PTBP2: variants seen among roughly 807,000 people sequenced by gnomAD.
PTBP2 encodes polypyrimidine tract binding protein 2.
A neutral mutation model predicts 61.4 loss-of-function variants in PTBP2; 13 were observed. The ratio of observed to expected loss-of-function variants is 0.21; its 90% confidence interval spans 0.14 to 0.34. The LOEUF (loss-of-function observed/expected upper bound fraction) is 0.34, where lower values mean the gene tolerates loss of function less well. Among genes scored for constraint, PTBP2 ranks in the 10% least tolerant of loss-of-function variants. The pLI is 1.00. For synonymous variants in PTBP2, 215 were observed against 218.5 expected, an observed-to-expected ratio of 0.98 and a Z score of 0.14; for missense variants, 405 against 642.6, an observed-to-expected ratio of 0.63 and a Z score of 4.00.
chr1:96,806,369 A>T, intron 9 of PTBP2, 50 bp from the exon 10 acceptor site: 2 of 1,387,278 alleles, frequency 1.4e-6, no homozygotes, highest in Non-Finnish European at 2.1e-6. Flanking sequence ...CTCTTCCTCG[A>T]CTCTTCTCTC....
intron 2 of PTBP2, 84 bp downstream of exon 2, chr1:96,723,678 C>A: frequency 7.9e-7 from 1 of 1,259,958 alleles, no homozygotes; most frequent in South Asian, 1.5e-5. Context: ...CTTTTGAAAA[C>A]TATAACGTAG....
intron 2 of PTBP2, among the ~76,000 whole-genome samples, chr1:96,725,656 A>C (rs1364403041): frequency 8.5e-5 from 13 of 152,180 alleles, no homozygotes; most frequent in Admixed American, 6.5e-4. Context: ...ATTAAAGTTA[A>C]TTTAATTTTC....
intron 3 of PTBP2, among the ~76,000 whole-genome samples, chr1:96,768,722 TA>T (rs1430238747): frequency 6.6e-6 from 1 of 152,070 alleles, no homozygotes; most frequent in African/African-American, 2.4e-5. Context: ...TACTTTACTT[TA>T]AATCTCACGG....
At chr1:96,746,167 C>T (rs1485793493) in intron 2 of PTBP2, among the ~76,000 whole-genome samples, 3 of 151,794 alleles carry the variant, frequency 2.0e-5, no homozygotes, top group African/African-American at 7.3e-5. Flanking sequence ...TTTATGCAAG[C>T]GTTTTTGAGA....
rs759270696 is a variant in PTBP2, at chr1:96,751,542, G to A, written c.115+42G>A. On this transcript the variant is annotated intron_variant, in intron 3 of 13. Transcript: ENST00000674951. ...TAGCAGTCTGTCATTTGCCATTTTA[G>A]GGGGCAGAATGTTAAAACTCAAATT... is the stretch of plus-strand genomic sequence containing the variant. 52 of 1,467,032 alleles carry A rather than the reference G, an allele frequency of 3.5e-5. 1 individual carries two copies. In the Middle Eastern group the frequency reaches 1.1e-3, roughly 30 times the overall value. The allele number at this position is 1,467,032 out of a possible 1,614,324, so 90.9% of individuals were successfully genotyped here.
At position 96,723,581 on chromosome 1, in the gene PTBP2, C is replaced by A; in HGVS notation, c.26C>A (p.Ala9Glu). The A allele has an allele frequency of 1.3e-6, 2 of 1,564,680 alleles. No individual in the cohort carries two copies. Among genetic ancestry groups the A allele is most frequent in the Non-Finnish European group, 8.7e-7 (1 of 1,145,838 alleles). The change falls in exon 2 of 14, where the codon GCA becomes GAA. Residue 9 changes from alanine (A) to glutamate (E), a missense_variant. By Grantham distance (107) the Ala-to-Glu change is moderately radical (BLOSUM62 -1). Around this residue, in one of 4 missense-constraint regions of PTBP2, gnomAD observed 342 missense variants for 491.2 expected, o/e 0.70. Transcript: ENST00000674951. The stretch of plus-strand genomic sequence containing the variant: ...CTTTGCAGAATCGTCACTGAGGTTG[C>A]AGTTGGCGTGAAGGTAGGAAAATAC... MDGIVTEV[A>E]VGVKRGSDEL...
intron 4 of PTBP2, among the ~76,000 whole-genome samples, 184 bp downstream of exon 4, chr1:96,770,059 GT>G (rs1310549267): frequency 6.6e-6 from 1 of 151,988 alleles, no homozygotes; most frequent in Non-Finnish European, 1.5e-5. Context: ...AATCACTATA[GT>G]TTTTAAACTT....
intron 2 of PTBP2, among the ~76,000 whole-genome samples, chr1:96,726,660 A>C (rs1481227667): frequency 1.3e-5 from 2 of 152,036 alleles, no homozygotes; most frequent in African/African-American, 2.4e-5. Context: ...GATAGTCTCT[A>C]TCTCCTGACC....
At chr1:96,751,577 T>C in intron 3 of PTBP2, 77 bp downstream of exon 3, 1 of 1,089,690 alleles carries the variant, frequency 9.2e-7, no homozygotes, top group Non-Finnish European at 1.4e-6. Context: ...TTAACCCTGT[T>C]ATACCAGGAA....
chr1:96,770,173 C>T (rs1657222234), intron 4 of PTBP2, among the ~76,000 whole-genome samples: 1 of 151,854 alleles, frequency 6.6e-6, no homozygotes, highest in South Asian at 2.1e-4. Context: ...TCTTTGGTAT[C>T]AGAAATCAGC....
At chr1:96,781,616 CTGAGA>C (rs1024578738) in intron 7 of PTBP2, among the ~76,000 whole-genome samples, 1 of 152,028 alleles carries the variant, frequency 6.6e-6, no homozygotes, top group African/African-American at 2.4e-5. Context: ...AAGCCTCTTC[CTGAGA>C]TAAGTCTTCT....
In PTBP2 at chr1:96,746,894, C is replaced by T. The variant is rs1274039909; in HGVS notation, c.40-4531C>T. On this transcript the variant is annotated intron_variant, in intron 2 of 13. Transcript: ENST00000674951. The stretch of plus-strand genomic sequence containing the variant: ...CTGTCCCTCCCTCCCTCCCTCCCTC[C>T]CTCCCTCCCTCCCTCCCTCCCTTCC... Among the ~76,000 whole-genome samples the T allele has an allele frequency of 1.2e-3, 63 of 53,514 alleles. 3 individuals are homozygous for T. The East Asian group carries it at 0.027, about 23-fold the overall frequency. The allele number at this position is 53,514 out of a possible 152,430, so 35.1% of individuals were successfully genotyped here.
intron 8 of PTBP2, among the ~76,000 whole-genome samples, chr1:96,791,827 T>TTTTTTTTTTTTTTTTTTTG (rs1659846390): frequency 2.9e-4 from 24 of 81,936 alleles, no homozygotes; most frequent in African/African-American, 8.9e-4. Flanking sequence ...GGAGTTGTGC[T>TTTTTTTTTTTTTTTTTTTG]TTTTTTTTTT....
Position 96,741,435 on chromosome 1 carries a change from A to G in PTBP2, c.40-9990A>G, listed in dbSNP as rs182962250. 1.3e-4 allele frequency among the ~76,000 whole-genome samples: 19 copies of G among 151,832 alleles called. 1 individual carries two copies. Among genetic ancestry groups the G allele is most frequent in the African/African-American group, 2.9e-4 (12 of 41,402 alleles). The stretch of plus-strand genomic sequence containing the variant: ...ACCACTATGCCCAGCTAATTTTTCA[A>G]TTTTTTTGTAGAGATGGAGTCTCAC... On this transcript the variant is annotated intron_variant, in intron 2 of 13. Transcript: ENST00000674951.
chr1:96,786,193 A>C (rs273874), intron 8 of PTBP2, among the ~76,000 whole-genome samples: 44,370 of 152,052 alleles, frequency 0.29, 7,194 homozygotes, highest in South Asian at 0.44. Flanking sequence ...AATATATAAC[A>C]GTCATGCCAT....
chr1:96,807,759 T>C (rs1661641513), intron 11 of PTBP2, among the ~76,000 whole-genome samples: 1 of 152,238 alleles, frequency 6.6e-6, no homozygotes, highest in South Asian at 2.1e-4. Flanking sequence ...AAATTTTGAA[T>C]TTCAAACACA....
At chr1:96,809,298 T>C (rs1661807195) in intron 11 of PTBP2, among the ~76,000 whole-genome samples, 1 of 152,216 alleles carries the variant, frequency 6.6e-6, no homozygotes, top group South Asian at 2.1e-4. Context: ...GTCTAAGTTA[T>C]GCATCCAACA....
chr1:96,774,598 A>T (rs897395137), intron 5 of PTBP2, among the ~76,000 whole-genome samples: 5 of 152,176 alleles, frequency 3.3e-5, no homozygotes, highest in African/African-American at 9.7e-5. Context: ...ACACTTTTTA[A>T]TTATCTGCCT....
intron 5 of PTBP2, among the ~76,000 whole-genome samples, chr1:96,776,276 C>T (rs1658030842): frequency 6.6e-6 from 1 of 151,894 alleles, no homozygotes; most frequent in Non-Finnish European, 1.5e-5. Flanking sequence ...TACATTTAAA[C>T]ATTTGAATAG....
Sources: gnomAD v4.1 joint callset for allele counts (sites outside exome capture counted in the v4.1 genomes callset) on GRCh38, gnomAD v4.1.1 for gene constraint, gnomAD v4.1.1 regional missense constraint, MANE v1.5 for transcripts, NCBI Gene and HGNC (gene_info 2026-07-23, HGNC 2026-07-21) for gene names.